The following NLRP3 variants were observed in gnomAD, a reference collection of about 807,000 sequenced individuals.
NLRP3 encodes the protein NLR family pyrin domain containing 3.
In NLRP3, 48 loss-of-function variants were observed where a neutral mutation model predicts 91.3. The observed-to-expected ratio is 0.53, with a 90% confidence interval of 0.42 to 0.67. NLRP3 has a LOEUF of 0.67. Ranked by LOEUF, NLRP3 falls within the 30% of genes least tolerant of loss-of-function variation. The probability of loss-of-function intolerance (pLI) is 0.00; values close to 1 mark genes in which losing one functional copy is unlikely to be tolerated. For synonymous variants in NLRP3, 561 were observed against 507.9 expected (o/e 1.10, Z -1.41); for missense variants, 982 against 1,276.9 (o/e 0.77, Z 3.52).
intron 2 of NLRP3, among the ~76,000 whole-genome samples, chr1:247,419,420 G>A (rs1022518532): frequency 1.3e-5 from 2 of 152,134 alleles, no homozygotes; most frequent in Non-Finnish European, 2.9e-5. Flanking sequence ...CTCGCAAAGT[G>A]CTGGAATTAC....
At chr1:247,421,110 T>C (rs1217879031) in intron 2 of NLRP3, among the ~76,000 whole-genome samples, 1 of 152,174 alleles carries the variant, frequency 6.6e-6, no homozygotes, top group Admixed American at 6.5e-5. Flanking sequence ...TTAATCCCCA[T>C]GTACACATTG....
Position 247,425,110 on chromosome 1 carries a change from G to C in NLRP3, c.1661G>C (p.Arg554Pro). The C allele has an allele frequency of 6.2e-7, 1 of 1,613,062 alleles. No individual in the cohort carries two copies. The highest frequency in any genetic ancestry group is 8.5e-7 in the Non-Finnish European group (1 of 1,179,376). The change falls in exon 4 of 10, where the codon CGA (arginine) becomes CCA (proline). Residue 554 changes from arginine to proline, a missense_variant. Physicochemically the swap from Arg to Pro is moderately radical, Grantham distance 103. This residue lies in a region of NLRP3 where 548 missense variants were observed against 713.7 expected (regional missense o/e 0.77). Coordinates refer to ENST00000336119, the MANE Select transcript of NLRP3 (RefSeq NM_001243133.2). This position sits in a 1 kb window ranked among gnomAD's most constrained non-coding sequence, Gnocchi z 4.1. ...VPGSRLKLPSRDVTVLLENYG... is the reference protein window; with the variant it reads ...VPGSRLKLPSPDVTVLLENYG... ...GGGAGTCGTTTGAAGCTTCCCAGCC[G>C]AGACGTGACAGTCCTTCTGGAAAAC... is the stretch of plus-strand genomic sequence containing the variant.
chr1:247,445,117 C>T (rs1275287870), intron 9 of NLRP3, among the ~76,000 whole-genome samples: 7 of 152,162 alleles, frequency 4.6e-5, no homozygotes, highest in South Asian at 4.1e-4. Flanking sequence ...CACAAGGAAC[C>T]GAACTTCGTA....
chr1:247,420,065 A>G (rs1283326130), intron 2 of NLRP3, among the ~76,000 whole-genome samples: 1 of 152,166 alleles, frequency 6.6e-6, no homozygotes, highest in Non-Finnish European at 1.5e-5. Context: ...TATCCTAAGA[A>G]CACGTTATTT....
chr1:247,418,351 G>T lies in NLRP3; in HGVS notation c.-450G>T, dbSNP rs1662198423. ...GAGTCTTGCTGTGTCGCCTAGGCTGGAGTGCAGTGGCGTGATCTTGGCTCA... is the reference window on the plus strand; with the variant it reads ...GAGTCTTGCTGTGTCGCCTAGGCTGTAGTGCAGTGGCGTGATCTTGGCTCA... On this transcript the variant is annotated 5_prime_UTR_variant, in exon 2 of 10. Coordinates refer to ENST00000336119, the MANE Select transcript of NLRP3 (RefSeq NM_001243133.2). 2 of 232,598 alleles carry T rather than the reference G, an allele frequency of 8.6e-6. No homozygotes were observed. Among genetic ancestry groups the T allele is most frequent in the Non-Finnish European group, 1.7e-5 (2 of 115,108 alleles). 14.4% of individuals were successfully genotyped at this position (232,598 alleles called of 1,614,324 possible).
At chr1:247,441,402 G>A (rs1415170132) in intron 7 of NLRP3, among the ~76,000 whole-genome samples, 1 of 151,862 alleles carries the variant, frequency 6.6e-6, no homozygotes, top group Non-Finnish European at 1.5e-5. Flanking sequence ...TACCATGCCT[G>A]GGTAATGTTT....
chr1:247,429,109 TC>T (rs1663120894), intron 4 of NLRP3, among the ~76,000 whole-genome samples: 1 of 152,116 alleles, frequency 6.6e-6, no homozygotes, highest in Non-Finnish European at 1.5e-5. Flanking sequence ...GCCAGGCTGA[TC>T]TTGAACTCCT....
chr1:247,432,342 C>T (rs1348759261), intron 5 of NLRP3, among the ~76,000 whole-genome samples: 2 of 131,230 alleles, frequency 1.5e-5, no homozygotes, highest in Non-Finnish European at 3.1e-5. Context: ...TAAGTGAGAA[C>T]GTGTGGTATT....
chr1:247,437,357 C>G (rs575505697), intron 7 of NLRP3, among the ~76,000 whole-genome samples: 45 of 152,272 alleles, frequency 3.0e-4, no homozygotes, highest in African/African-American at 1.0e-3. Flanking sequence ...AAAGGTCTTC[C>G]CAGAGGAGTA....
chr1:247,432,348 G>A (rs1449346449), intron 5 of NLRP3, among the ~76,000 whole-genome samples: 1 of 151,388 alleles, frequency 6.6e-6, no homozygotes, highest in African/African-American at 2.4e-5. Context: ...AGAACGTGTG[G>A]TATTTGACTC....
chr1:247,439,150 G>A (rs183647270), intron 7 of NLRP3, among the ~76,000 whole-genome samples: 7 of 152,182 alleles, frequency 4.6e-5, no homozygotes, highest in African/African-American at 1.7e-4. Context: ...TGATCTGGGT[G>A]GTATTTATAT....
chr1:247,423,426 T>A (rs777313597), intron 3 of NLRP3, 77 bp downstream of exon 3: 52 of 1,568,978 alleles, frequency 3.3e-5, no homozygotes, highest in Non-Finnish European at 4.5e-5. Context: ...AGCAGCTGGG[T>A]AACTTGGCCA....
At position 247,425,816 on chromosome 1, in the gene NLRP3, C is replaced by G. The variant is rs140014493; in HGVS notation, c.2150+217C>G. The G allele has an allele frequency of 7.1e-3, 4,155 of 584,222 alleles. 27 individuals carry two copies. Among genetic ancestry groups the G allele is most frequent in the Admixed American group, 0.014 (459 of 33,828 alleles). 36.2% of individuals were successfully genotyped at this position (584,222 alleles called of 1,614,324 possible). ...AGGAAAAAAAAAATAAAACAAGGAA[C>G]AAATGTTTGGGGAATGCCAGTTTAG... On this transcript the variant is annotated intron_variant, in intron 4 of 9. Coordinates refer to ENST00000336119, the MANE Select transcript of NLRP3 (RefSeq NM_001243133.2). The surrounding 1 kb of genome is among the most constrained non-coding windows in gnomAD (Gnocchi z 4.1).
chr1:247,448,292 C>G, intron 9 of NLRP3, 113 bp from the exon 10 acceptor site: 3 of 225,714 alleles, frequency 1.3e-5, no homozygotes, highest in Non-Finnish European at 1.6e-5. Flanking sequence ...TTTTTTTTTA[C>G]ATTTTAGAAG....
chr1:247,419,168 T>C, intron 2 of NLRP3, 91 bp downstream of exon 2: 1 of 946,366 alleles, frequency 1.1e-6, no homozygotes, highest in South Asian at 2.6e-5. Context: ...ATATATATTT[T>C]TTTTTGAGAC....
chr1:247,443,948 A>G (rs765800196), intron 7 of NLRP3, 24 bp from the exon 8 acceptor site: 2 of 1,612,516 alleles, frequency 1.2e-6, no homozygotes, highest in Non-Finnish European at 1.7e-6. Flanking sequence ...GGTACTGAGG[A>G]CTCTTCTCCC....
intron 6 of NLRP3, among the ~76,000 whole-genome samples, chr1:247,434,880 G>A (rs952784572): frequency 6.6e-6 from 1 of 152,200 alleles, no homozygotes; most frequent in African/African-American, 2.4e-5. Context: ...AAACAGCACA[G>A]CAATTCCTAA....
chr1:247,435,675 C>T (rs1227087955), intron 6 of NLRP3, among the ~76,000 whole-genome samples: 1 of 151,992 alleles, frequency 6.6e-6, no homozygotes, highest in East Asian at 1.9e-4. Context: ...GTGCTTAAGG[C>T]CATTAATTGT....
Position 247,425,138 on chromosome 1 carries a change from T to G in NLRP3, c.1689T>G (p.Tyr563Ter). Residue 563 changes from tyrosine (Y) to a stop codon, truncating the protein, a stop_gained, in exon 4 of 10, where the codon TAT becomes TAG. Coordinates refer to ENST00000336119, the MANE Select transcript of NLRP3 (RefSeq NM_001243133.2). LOFTEE classifies it high-confidence loss of function. This position sits in a 1 kb window ranked among gnomAD's most constrained non-coding sequence, Gnocchi z 4.1. Reference sequence around the variant, plus strand: ...ACGTGACAGTCCTTCTGGAAAACTATGGCAAATTCGAAAAGGGGTATTTGA... The same window carrying G: ...ACGTGACAGTCCTTCTGGAAAACTAGGGCAAATTCGAAAAGGGGTATTTGA... ...SRDVTVLLENYGKFEKGYLIF... is the reference protein window; with the variant it reads ...SRDVTVLLEN 6.2e-7 allele frequency: 1 copy of G among 1,614,070 alleles called. No individual in the cohort carries two copies. Among genetic ancestry groups the G allele is most frequent in the Non-Finnish European group, 8.5e-7 (1 of 1,179,998 alleles).
Sources: gnomAD v4.1 joint callset for allele counts (sites outside exome capture counted in the v4.1 genomes callset) on GRCh38, gnomAD v4.1.1 for gene constraint, gnomAD v4.1.1 regional missense constraint, Gnocchi (gnomAD v3.1) non-coding constraint, MANE v1.5 for transcripts, NCBI Gene and HGNC (gene_info 2026-07-23, HGNC 2026-07-21) for gene names.